SESTD1: variants seen among roughly 807,000 people sequenced by gnomAD.
SESTD1 encodes SEC14 and spectrin domain containing 1.
In SESTD1, 43 loss-of-function variants were observed where a neutral mutation model predicts 101.7. That is an observed-to-expected ratio of 0.42 (90% CI 0.33 to 0.55). The LOEUF (loss-of-function observed/expected upper bound fraction) is 0.55, where lower values mean the gene tolerates loss of function less well. Among genes scored for constraint, SESTD1 ranks in the 20% least tolerant of loss-of-function variants. The pLI, the probability that SESTD1 is intolerant of heterozygous loss-of-function variation, is 0.07. For synonymous variants in SESTD1, 283 were observed against 286.8 expected (o/e 0.99, Z 0.13); for missense variants, 647 against 815.1 (o/e 0.79, Z 2.51).
chr2:179,200,819 C>A (rs2046497890), intron 1 of SESTD1, among the ~76,000 whole-genome samples: 1 of 134,508 alleles, frequency 7.4e-6, no homozygotes, highest in African/African-American at 3.0e-5. Flanking sequence ...CATAAAAACC[C>A]TAGAAGAAAA....
chr2:179,224,363 C>T lies in SESTD1; in HGVS notation c.-25-32497G>A, dbSNP rs557929647. On this transcript the variant is annotated intron_variant, in intron 1 of 17. Transcript: ENST00000428443. Reference sequence around the variant, plus strand: ...GTGAGATGGAGAGAGGTTAACCTGCCCAACGTTATGCAGCAAAACTGGCAT... The same window carrying T: ...GTGAGATGGAGAGAGGTTAACCTGCTCAACGTTATGCAGCAAAACTGGCAT... 3.3e-5 allele frequency among the ~76,000 whole-genome samples: 5 copies of T among 152,208 alleles called. No individual in the cohort carries two copies. The South Asian group carries it at 1.0e-3, about 32-fold the overall frequency.
intron 10 of SESTD1, among the ~76,000 whole-genome samples, chr2:179,125,133 C>T (rs1402686786): frequency 6.6e-6 from 1 of 152,114 alleles, no homozygotes; most frequent in Non-Finnish European, 1.5e-5. Context: ...CTCACCTCAA[C>T]TCAGCTACCT....
intron 1 of SESTD1, among the ~76,000 whole-genome samples, chr2:179,237,124 T>TATAATAATTTA (rs2047080237): frequency 4.6e-5 from 7 of 152,160 alleles, no homozygotes; most frequent in Non-Finnish European, 7.4e-5. Context: ...GAAATTATTT[T>TATAATAATTTA]CTAATAATGT....
At chr2:179,185,048 T>C (rs749779945) in intron 2 of SESTD1, among the ~76,000 whole-genome samples, 51 of 151,986 alleles carry the variant, frequency 3.4e-4, no homozygotes, top group Admixed American at 2.0e-3. Context: ...AGAATAATAG[T>C]GTCTACTATT....
intron 1 of SESTD1, among the ~76,000 whole-genome samples, chr2:179,253,700 TG>T (rs975283868): frequency 6.6e-6 from 1 of 152,190 alleles, no homozygotes; most frequent in African/African-American, 2.4e-5. Flanking sequence ...AAAATATTTC[TG>T]AAAGAATACA....
At chr2:179,183,683 A>T (rs1248823850) in intron 2 of SESTD1, among the ~76,000 whole-genome samples, 1 of 152,092 alleles carries the variant, frequency 6.6e-6, no homozygotes, top group African/African-American at 2.4e-5. Context: ...AAGACTTGAG[A>T]AAAACAGAGC....
At chr2:179,220,554 G>C (rs1224741696) in intron 1 of SESTD1, among the ~76,000 whole-genome samples, 1 of 152,052 alleles carries the variant, frequency 6.6e-6, no homozygotes, top group Non-Finnish European at 1.5e-5. Context: ...TACATTTTCT[G>C]CATCTAAGCC....
chr2:179,136,187 C>T (rs747215745), intron 9 of SESTD1, among the ~76,000 whole-genome samples: 3 of 152,180 alleles, frequency 2.0e-5, no homozygotes, highest in East Asian at 1.9e-4. Flanking sequence ...GGTTTCTCAT[C>T]TTTTAAATGA....
At chr2:179,238,871 T>C (rs1336602810) in intron 1 of SESTD1, among the ~76,000 whole-genome samples, 1 of 152,184 alleles carries the variant, frequency 6.6e-6, no homozygotes, top group African/African-American at 2.4e-5. Flanking sequence ...TTTCTTCCTC[T>C]GCCTTGCCCT....
chr2:179,199,620 C>A (rs910759123), intron 1 of SESTD1, among the ~76,000 whole-genome samples: 1 of 152,052 alleles, frequency 6.6e-6, no homozygotes, highest in Non-Finnish European at 1.5e-5. Flanking sequence ...ATCAAGTGGG[C>A]TTCATCCCTG....
rs1403404908 is a variant in SESTD1 at position 179,107,127 on chromosome 2, A to C, written c.*2772T>G. On this transcript the variant is annotated 3_prime_UTR_variant, in exon 18 of 18. Coordinates refer to ENST00000428443, the MANE Select transcript of SESTD1 (RefSeq NM_178123.5). ...AGCTGATGTTAATTTATGACATAGA[A>C]ACAGCTTGTGGTTTCAAACACACTG... The C allele has an allele frequency of 6.6e-6, 1 of 152,150 alleles. No individual in the cohort carries two copies. Among genetic ancestry groups the C allele is most frequent in the Admixed American group, 6.6e-5 (1 of 15,256 alleles). 9.4% of individuals were successfully genotyped at this position (152,150 alleles called of 1,614,324 possible).
At chr2:179,123,871 A>G (rs773060588) in intron 11 of SESTD1, 42 bp from the exon 12 acceptor site, 2 of 1,418,202 alleles carry the variant, frequency 1.4e-6, no homozygotes, top group Admixed American at 3.4e-5. Context: ...TGATGTAATC[A>G]GCATCTAAAG....
chr2:179,126,319 T>C (rs1257431683), intron 10 of SESTD1, among the ~76,000 whole-genome samples: 2 of 152,214 alleles, frequency 1.3e-5, no homozygotes, highest in South Asian at 2.1e-4. Context: ...CTTTATTTTA[T>C]TGAACCTCTC....
intron 2 of SESTD1, among the ~76,000 whole-genome samples, chr2:179,187,744 C>T (rs1559135422): frequency 6.6e-6 from 1 of 152,088 alleles, no homozygotes; most frequent in Non-Finnish European, 1.5e-5. Context: ...AGACCTATTA[C>T]ACATATACAA....
intron 17 of SESTD1, among the ~76,000 whole-genome samples, chr2:179,112,150 G>A (rs908204553): frequency 1.3e-5 from 2 of 152,114 alleles, no homozygotes; most frequent in Non-Finnish European, 2.9e-5. Flanking sequence ...AAATTAGAAC[G>A]CCATATAACA....
At chr2:179,117,902 C>CA (rs1015347925) in intron 13 of SESTD1, among the ~76,000 whole-genome samples, 9 of 151,504 alleles carry the variant, frequency 5.9e-5, no homozygotes, top group African/African-American at 1.2e-4. Flanking sequence ...CACTAAAACC[C>CA]AAAAAAAATC....
intron 2 of SESTD1, among the ~76,000 whole-genome samples, chr2:179,185,551 C>A (rs1167558988): frequency 2.3e-5 from 3 of 131,200 alleles, no homozygotes; most frequent in Non-Finnish European, 4.6e-5. Context: ...ATGATATGTA[C>A]ATATGTTATA....
intron 1 of SESTD1, among the ~76,000 whole-genome samples, chr2:179,199,329 A>G (rs887636656): frequency 3.0e-4 from 46 of 152,266 alleles, no homozygotes; most frequent in African/African-American, 1.1e-3. Flanking sequence ...TACCAACCAA[A>G]AAGAGTCCAG....
intron 2 of SESTD1, among the ~76,000 whole-genome samples, chr2:179,191,296 G>A (rs528997959): frequency 6.6e-6 from 1 of 152,236 alleles, no homozygotes; most frequent in African/African-American, 2.4e-5. Context: ...TGCAGCCAGA[G>A]GCCATCATCC....
Sources: gnomAD v4.1 joint callset for allele counts (sites outside exome capture counted in the v4.1 genomes callset) on GRCh38, gnomAD v4.1.1 for gene constraint, MANE v1.5 for transcripts, NCBI Gene and HGNC (gene_info 2026-07-23, HGNC 2026-07-21) for gene names.